The following PARVA variants were observed in gnomAD, a reference collection of about 807,000 sequenced individuals.
The protein encoded by PARVA is alpha-parvin.
In PARVA, 25 loss-of-function variants were observed where a neutral mutation model predicts 52.6. That is an observed-to-expected ratio of 0.48 (90% confidence interval 0.35 to 0.66). The LOEUF (loss-of-function observed/expected upper bound fraction) is 0.66. Ranked by LOEUF, PARVA falls within the 30% of genes least tolerant of loss-of-function variation. The pLI is 0.01. For synonymous variants in PARVA, 185 were observed against 179.1 expected, an observed-to-expected ratio of 1.03 and a Z score of -0.26; for missense variants, 373 against 450.9, an observed-to-expected ratio of 0.83 and a Z score of 1.56.
At chr11:12,376,471 C>A (rs1939389340), upstream of PARVA, among the ~76,000 whole-genome samples, 1 of 152,202 alleles carries the variant, frequency 6.6e-6, no homozygotes, top group African/African-American at 2.4e-5. Flanking sequence ...AACAGCCACC[C>A]TAGTTTTGAT....
At chr11:12,500,193 C>T (rs1399715666) in intron 5 of PARVA, among the ~76,000 whole-genome samples, 1 of 152,228 alleles carries the variant, frequency 6.6e-6, no homozygotes, top group East Asian at 1.9e-4. Context: ...GTTTGGAAGA[C>T]TATTTCTAAC....
At chr11:12,440,987 C>A (rs942016779) in intron 1 of PARVA, among the ~76,000 whole-genome samples, 1 of 152,204 alleles carries the variant, frequency 6.6e-6, no homozygotes, top group African/African-American at 2.4e-5. Context: ...CCTAACATAG[C>A]GCATGATATC....
intron 5 of PARVA, among the ~76,000 whole-genome samples, chr11:12,500,970 T>TGGTG (rs1373694909): frequency 6.6e-6 from 1 of 151,972 alleles, no homozygotes; most frequent in African/African-American, 2.4e-5. Flanking sequence ...TTGCCAGGTA[T>TGGTG]GGTGGCATGC....
chr11:12,399,575 A>G (rs1939796714), intron 1 of PARVA, among the ~76,000 whole-genome samples: 1 of 152,250 alleles, frequency 6.6e-6, no homozygotes, highest in Non-Finnish European at 1.5e-5. Context: ...AACAGTTCCC[A>G]GGCTGATGCT....
At chr11:12,473,477 G>C (rs571241888) in intron 1 of PARVA, among the ~76,000 whole-genome samples, 33 of 152,232 alleles carry the variant, frequency 2.2e-4, no homozygotes, top group African/African-American at 7.7e-4. Context: ...AATCTTTTCT[G>C]AGAGGAGGGA....
intron 1 of PARVA, among the ~76,000 whole-genome samples, chr11:12,453,229 G>A (rs1410774770): frequency 2.0e-5 from 3 of 152,156 alleles, no homozygotes; most frequent in East Asian, 1.9e-4. Flanking sequence ...GCTATGGGGG[G>A]TAGGTGGGGG....
chr11:12,444,687 C>T (rs1018311692), intron 1 of PARVA, among the ~76,000 whole-genome samples: 1 of 152,166 alleles, frequency 6.6e-6, no homozygotes, highest in African/African-American at 2.4e-5. Flanking sequence ...CTCAGCCTCC[C>T]AACCAGTTTA....
At position 12,423,230 on chromosome 11, in the gene PARVA, C is replaced by T. The variant is rs1019544765; in HGVS notation, c.136+45447C>T. Among the ~76,000 whole-genome samples the T allele has an allele frequency of 5.4e-5, 8 of 148,410 alleles. 1 individual carries two copies. Among genetic ancestry groups the T allele is most frequent in the African/African-American group, 2.0e-4 (8 of 40,240 alleles). On this transcript the variant is annotated intron_variant, in intron 1 of 12. Coordinates refer to ENST00000334956, the MANE Select transcript of PARVA (RefSeq NM_018222.5). The stretch of plus-strand genomic sequence containing the variant: ...CGGGGTCTTGCTTACCCATGCTGGA[C>T]TGCAGTGGCGTGAACACAGCTCATT...
chr11:12,383,046 C>T (rs1589935537), intron 1 of PARVA, among the ~76,000 whole-genome samples: 1 of 152,098 alleles, frequency 6.6e-6, no homozygotes, highest in East Asian at 1.9e-4. Flanking sequence ...CTATTTTGTC[C>T]CTTTAGGAGT....
intron 1 of PARVA, among the ~76,000 whole-genome samples, chr11:12,459,475 T>A (rs114402117): frequency 6.6e-6 from 1 of 152,024 alleles, no homozygotes; most frequent in South Asian, 2.1e-4. Context: ...AACTCTCATA[T>A]AGAACTGTGC....
At chr11:12,392,469 A>G (rs1023244189) in intron 1 of PARVA, among the ~76,000 whole-genome samples, 1 of 151,990 alleles carries the variant, frequency 6.6e-6, no homozygotes, top group Non-Finnish European at 1.5e-5. Context: ...GGGTTTCACC[A>G]TGTTGGCCAG....
chr11:12,434,924 C>T (rs1940366458), intron 1 of PARVA, among the ~76,000 whole-genome samples: 2 of 152,194 alleles, frequency 1.3e-5, no homozygotes, highest in South Asian at 4.2e-4. Flanking sequence ...CAGCTTCTAA[C>T]ATAACCCCAG....
Position 12,531,017 on chromosome 11 carries a change from T to C in PARVA, c.*3092T>C, listed in dbSNP as rs1469662231. Among the ~76,000 whole-genome samples, 2 of 152,218 alleles carry C rather than the reference T, an allele frequency of 1.3e-5. No individual in the cohort carries two copies. Among genetic ancestry groups the C allele is most frequent in the Non-Finnish European group, 2.9e-5 (2 of 68,030 alleles). ...TTTTAAGTCCTCTTTTGGAACCTTATGGTGAATTGTATGCAGATTGATGAA... is the reference window on the plus strand; with the variant it reads ...TTTTAAGTCCTCTTTTGGAACCTTACGGTGAATTGTATGCAGATTGATGAA... On this transcript the variant is annotated 3_prime_UTR_variant, in exon 13 of 13. Coordinates refer to ENST00000334956, the MANE Select transcript of PARVA (RefSeq NM_018222.5).
intron 1 of PARVA, among the ~76,000 whole-genome samples, chr11:12,452,052 CCA>C (rs1428349845): frequency 6.6e-6 from 1 of 151,954 alleles, no homozygotes; most frequent in East Asian, 2.0e-4. Context: ...CCTGCCACCA[CCA>C]CCCTGCAGGG....
rs527353389 is a variant in PARVA, at chr11:12,400,883, T to C, written c.136+23100T>C. Among the ~76,000 whole-genome samples, 3 of 152,348 alleles carry C rather than the reference T, an allele frequency of 2.0e-5. No individual in the cohort carries two copies. In the East Asian group the frequency reaches 5.8e-4, roughly 29 times the overall value. ...AACTGTATTCCCATGTGATCTGTGC[T>C]ATACTAGCAGTGTGGGCAAAGGGAG... On this transcript the variant is annotated intron_variant, in intron 1 of 12. Coordinates refer to ENST00000334956, the MANE Select transcript of PARVA (RefSeq NM_018222.5).
intron 1 of PARVA, among the ~76,000 whole-genome samples, chr11:12,435,322 C>A (rs1280738605): frequency 1.3e-5 from 2 of 152,192 alleles, no homozygotes; most frequent in African/African-American, 2.4e-5. Flanking sequence ...TTTTCCCCTT[C>A]TCCTGTCACT....
intron 1 of PARVA, among the ~76,000 whole-genome samples, chr11:12,383,859 C>T (rs1939530227): frequency 6.6e-6 from 1 of 152,188 alleles, no homozygotes; most frequent in African/African-American, 2.4e-5. Context: ...TAAGTGGACT[C>T]TTGAAATTCA....
chr11:12,525,954 G>A (rs1941695406), intron 12 of PARVA, among the ~76,000 whole-genome samples: 1 of 152,246 alleles, frequency 6.6e-6, no homozygotes, highest in East Asian at 1.9e-4. Flanking sequence ...CAAGCCCTGG[G>A]CCCTAGGCCT....
At chr11:12,407,323 GA>G (rs1380445401) in intron 1 of PARVA, among the ~76,000 whole-genome samples, 1 of 152,040 alleles carries the variant, frequency 6.6e-6, no homozygotes, top group African/African-American at 2.4e-5. Flanking sequence ...GTGCCTTCAG[GA>G]AAAATAGTGG....
Sources: gnomAD v4.1 joint callset for allele counts (sites outside exome capture counted in the v4.1 genomes callset) on GRCh38, gnomAD v4.1.1 for gene constraint, MANE v1.5 for transcripts, NCBI Gene and HGNC (gene_info 2026-07-23, HGNC 2026-07-21) for gene names.